EFR3B: variants seen among roughly 807,000 people sequenced by gnomAD.
The protein encoded by EFR3B is protein EFR3 homolog B.
EFR3B carries 64 observed loss-of-function variants against 104.7 expected under a neutral mutation model. That is an observed-to-expected ratio of 0.61 (90% CI 0.50 to 0.75). The LOEUF is 0.75. Among genes scored for constraint, EFR3B ranks in the 30% least tolerant of loss-of-function variants. The pLI is 0.00. For synonymous variants in EFR3B, 385 were observed against 417.9 expected (o/e 0.92, Z 0.96); for missense variants, 750 against 1,078.5 (o/e 0.70, Z 4.27).
At chr2:25,063,193 G>T (rs766902314) in intron 1 of EFR3B, among the ~76,000 whole-genome samples, 2 of 151,714 alleles carry the variant, frequency 1.3e-5, no homozygotes, top group Non-Finnish European at 1.5e-5. Flanking sequence ...GCCTGCCTCA[G>T]CCTCCCGAAG....
chr2:25,073,200 G>A (rs1001183859), intron 1 of EFR3B, among the ~76,000 whole-genome samples: 3 of 152,094 alleles, frequency 2.0e-5, no homozygotes, highest in Non-Finnish European at 2.9e-5. Flanking sequence ...GCACACACTC[G>A]GTGTTTTGCT....
At chr2:25,044,230 A>G (rs1317231265) in intron 1 of EFR3B, among the ~76,000 whole-genome samples, 3 of 152,198 alleles carry the variant, frequency 2.0e-5, no homozygotes, top group African/African-American at 4.8e-5. Flanking sequence ...GGAAAGTCAC[A>G]CCAAGCTTGG....
chr2:25,105,952 A>G (rs1396915232), intron 4 of EFR3B, among the ~76,000 whole-genome samples: 1 of 152,246 alleles, frequency 6.6e-6, no homozygotes, highest in Non-Finnish European at 1.5e-5. Flanking sequence ...TGAAGATGAT[A>G]TAAGGACAAG....
chr2:25,125,048 A>C (rs1364738031), intron 5 of EFR3B, among the ~76,000 whole-genome samples: 2 of 152,116 alleles, frequency 1.3e-5, no homozygotes, highest in African/African-American at 2.4e-5. Flanking sequence ...ACGGAGTGAG[A>C]CTCCGTGTCG....
intron 16 of EFR3B, among the ~76,000 whole-genome samples, chr2:25,140,148 A>G (rs1430243103): frequency 6.6e-6 from 1 of 152,136 alleles, no homozygotes; most frequent in Non-Finnish European, 1.5e-5. Context: ...CCCCGTCTCT[A>G]CTAAAAATAC....
chr2:25,080,283 CTTTTTTTTTTTTTT>C (rs563438610), intron 1 of EFR3B: 5,441 of 154,908 alleles, frequency 0.035, 218 homozygotes, highest in Non-Finnish European at 0.046. Context: ...CTCCCCAAAG[CTTTTTTTTTTTTTT>C]TTTTTTTTTT....
At chr2:25,087,566 G>A (rs757119455) in intron 1 of EFR3B, among the ~76,000 whole-genome samples, 2 of 150,826 alleles carry the variant, frequency 1.3e-5, no homozygotes, top group Non-Finnish European at 2.9e-5. Context: ...TGCAGCCTCC[G>A]GGTTCAAGTG....
At position 25,131,685 on chromosome 2, in the gene EFR3B, G is replaced by A. The variant is rs1309155330; in HGVS notation, c.986-65G>A. 6 of 1,478,460 alleles carry A rather than the reference G, an allele frequency of 4.1e-6. No individual in the cohort carries two copies. Among genetic ancestry groups the A allele is most frequent in the Non-Finnish European group, 5.4e-6 (6 of 1,109,212 alleles). 91.6% of individuals were successfully genotyped at this position (1,478,460 alleles called of 1,614,324 possible). A position where few individuals can be genotyped will look rare whatever the true frequency, so the allele number is the denominator to read the frequency against. On this transcript the variant is annotated intron_variant, in intron 9 of 22. Coordinates refer to ENST00000403714, the MANE Select transcript of EFR3B (RefSeq NM_014971.2). The surrounding 1 kb of genome is among the most constrained non-coding windows in gnomAD (Gnocchi z 7.6). ...GGGGGCGTGACCCTGCCCTGCCTGC[G>A]CGCGGTGCACAGAGGAGGAGGGTGC... is the stretch of plus-strand genomic sequence containing the variant.
chr2:25,066,880 G>A lies in EFR3B; in HGVS notation c.8-24445G>A, dbSNP rs187208803. On this transcript the variant is annotated intron_variant, in intron 1 of 22. Coordinates refer to ENST00000403714, the MANE Select transcript of EFR3B (RefSeq NM_014971.2). The stretch of plus-strand genomic sequence containing the variant: ...AACAAGTTTAGAAAACAGTTCCTGT[G>A]TGTACATGTGTGTGCGTGTGTGCTT... 4.1e-4 allele frequency among the ~76,000 whole-genome samples: 63 copies of A among 152,310 alleles called. 1 individual carries two copies. Among genetic ancestry groups the A allele is most frequent in the Non-Finnish European group, 4.7e-4 (32 of 68,034 alleles).
In EFR3B at chr2:25,131,477, C is replaced by T; in HGVS notation, c.959C>T (p.Ala320Val). ...AGIVEVLSEA[A>V]VIAATGSVGP... is the part of the protein sequence containing the mutation. ...ATCGTGGAAGTCTTGTCGGAAGCCG[C>T]GGTCATCGCTGCCACCGGCTCTGTG... Residue 320 changes from alanine (A) to valine (V), a missense_variant, in exon 9 of 23, where the codon GCG becomes GTG. By Grantham distance (64) the Ala-to-Val change is moderately conservative. Coordinates refer to ENST00000403714, the MANE Select transcript of EFR3B (RefSeq NM_014971.2). The surrounding 1 kb of genome is among the most constrained non-coding windows in gnomAD (Gnocchi z 7.6). 6.5e-7 allele frequency: 1 copy of T among 1,550,038 alleles called. No homozygotes were observed. The highest frequency in any genetic ancestry group is 8.7e-7 in the Non-Finnish European group (1 of 1,146,838).
chr2:25,048,462 G>C (rs1381745761), intron 1 of EFR3B, among the ~76,000 whole-genome samples: 3 of 152,092 alleles, frequency 2.0e-5, no homozygotes, highest in Non-Finnish European at 4.4e-5. Context: ...GTACATTTAG[G>C]GGTATTTCTG....
chr2:25,142,045 G>A (rs57703366), intron 17 of EFR3B, among the ~76,000 whole-genome samples: 48,812 of 152,060 alleles, frequency 0.32, 8,070 homozygotes, highest in East Asian at 0.37. Context: ...CACGCCTGCA[G>A]GCCCAGCGAC....
In EFR3B at chr2:25,042,853, C is replaced by T. The variant is rs1446845804; in HGVS notation, c.7+534C>T. 6.6e-6 allele frequency among the ~76,000 whole-genome samples: 1 copy of T among 152,108 alleles called. No individual in the cohort carries two copies. The highest frequency in any genetic ancestry group is 1.5e-5 in the Non-Finnish European group (1 of 68,008). ...CTCGGCCTCTGCCTGCCCCTGCCGC[C>T]CCGCGGGATCCAGGTTCACCAACTT... On this transcript the variant is annotated intron_variant, in intron 1 of 22. Transcript: ENST00000403714. This position sits in a 1 kb window ranked among gnomAD's most constrained non-coding sequence, Gnocchi z 5.4.
chr2:25,135,401 T>TC lies in EFR3B; in HGVS notation c.1312-64dup, dbSNP rs1270974953. On this transcript the variant is annotated intron_variant, in intron 12 of 22. Transcript: ENST00000403714. ...AGACCTGACTTCCTCTGGCTGCTCC[T>TC]CCATCTCCTCCTGCACCTGAGAGGG... 3.3e-6 allele frequency: 5 copies of TC among 1,530,852 alleles called. No homozygotes were observed. The East Asian group carries it at 9.8e-5, about 30-fold the overall frequency. 94.8% of individuals were successfully genotyped at this position (1,530,852 alleles called of 1,614,324 possible). A position where few individuals can be genotyped will look rare whatever the true frequency, so the allele number is the denominator to read the frequency against.
intron 1 of EFR3B, among the ~76,000 whole-genome samples, chr2:25,074,978 G>C (rs1427513834): frequency 6.6e-6 from 1 of 152,126 alleles, no homozygotes; most frequent in Non-Finnish European, 1.5e-5. Context: ...CAGTTGCAAA[G>C]AAATGCGCAG....
At chr2:25,082,651 C>G (rs1380261791) in intron 1 of EFR3B, among the ~76,000 whole-genome samples, 1 of 152,174 alleles carries the variant, frequency 6.6e-6, no homozygotes, top group East Asian at 1.9e-4. Flanking sequence ...ACTGTCCTCC[C>G]TTTATTCCAC....
At chr2:25,052,079 C>T (rs1423461866) in intron 1 of EFR3B, among the ~76,000 whole-genome samples, 1 of 151,520 alleles carries the variant, frequency 6.6e-6, no homozygotes, top group Middle Eastern at 3.2e-3. Flanking sequence ...GCCTGTAATC[C>T]CAGCTACTCA....
intron 1 of EFR3B, among the ~76,000 whole-genome samples, chr2:25,054,322 A>G (rs1478564233): frequency 2.0e-5 from 3 of 151,806 alleles, no homozygotes; most frequent in Non-Finnish European, 2.9e-5. Context: ...CATGCAAGTA[A>G]TTCATTTTTT....
intron 4 of EFR3B, among the ~76,000 whole-genome samples, chr2:25,113,418 G>A (rs1669775430): frequency 6.6e-6 from 1 of 152,108 alleles, no homozygotes; most frequent in African/African-American, 2.4e-5. Context: ...GGGCGCGGGG[G>A]CTCACGCCTG....
Sources: gnomAD v4.1 joint callset for allele counts (sites outside exome capture counted in the v4.1 genomes callset) on GRCh38, gnomAD v4.1.1 for gene constraint, Gnocchi (gnomAD v3.1) non-coding constraint, MANE v1.5 for transcripts, NCBI Gene and HGNC (gene_info 2026-07-23, HGNC 2026-07-21) for gene names.